The following NUGGC variants were observed in gnomAD, a reference collection of about 807,000 sequenced individuals.
The protein encoded by NUGGC is nuclear GTPase, germinal center associated, also known as nuclear GTPase SLIP-GC.
Under a neutral mutation model 92.6 loss-of-function variants are expected in NUGGC, and 58 were observed. The observed-to-expected ratio is 0.63, with a 90% CI of 0.51 to 0.78. The LOEUF (loss-of-function observed/expected upper bound fraction) is 0.78. Ranked by LOEUF, NUGGC falls within the 30% of genes least tolerant of loss-of-function variation. The probability of loss-of-function intolerance (pLI) is 0.00; values close to 1 mark genes in which losing one functional copy is unlikely to be tolerated. For synonymous variants in NUGGC, 376 were observed against 366.4 expected (o/e 1.03, Z -0.30); for missense variants, 925 against 964.6 (o/e 0.96, Z 0.54).
intron 10 of NUGGC, among the ~76,000 whole-genome samples, chr8:28,051,068 C>T (rs543494226): frequency 8.5e-5 from 13 of 152,236 alleles, no homozygotes; most frequent in Non-Finnish European, 1.6e-4. Flanking sequence ...ATACGATCCT[C>T]CCACCTCGGC....
At chr8:28,058,041 A>T (rs900738448) in intron 9 of NUGGC, among the ~76,000 whole-genome samples, 1 of 151,968 alleles carries the variant, frequency 6.6e-6, no homozygotes, top group Non-Finnish European at 1.5e-5. Flanking sequence ...AAAATACAAA[A>T]ATTAGCCAGG....
At chr8:28,068,518 T>C in intron 4 of NUGGC, 80 bp from the exon 5 acceptor site, 1 of 970,858 alleles carries the variant, frequency 1.0e-6, no homozygotes, top group Non-Finnish European at 1.6e-6. Context: ...GCAAAGGAAC[T>C]GAATTCTAAT....
chr8:28,076,143 GT>G (rs1230680724), intron 1 of NUGGC, among the ~76,000 whole-genome samples: 1 of 152,156 alleles, frequency 6.6e-6, no homozygotes, highest in African/African-American at 2.4e-5. Context: ...ACCACTCGAG[GT>G]CAGAGGACTG....
chr8:28,079,785 A>G (rs1410470734), intron 1 of NUGGC, among the ~76,000 whole-genome samples: 2 of 152,338 alleles, frequency 1.3e-5, no homozygotes, highest in African/African-American at 2.4e-5. Context: ...GGGTTCCCTC[A>G]AATGCATGGC....
chr8:28,060,684 G>T (rs538289847), intron 7 of NUGGC, 83 bp from the exon 8 acceptor site: 1 of 1,291,476 alleles, frequency 7.7e-7, no homozygotes, highest in Non-Finnish European at 1.1e-6. Context: ...TATCCCTTAA[G>T]CCTCTCCCTC....
At chr8:28,051,682 T>G (rs1467178956) in intron 10 of NUGGC, among the ~76,000 whole-genome samples, 1 of 152,134 alleles carries the variant, frequency 6.6e-6, no homozygotes, top group Non-Finnish European at 1.5e-5. Flanking sequence ...TCCCAGCACT[T>G]TGAGAGGCTG....
chr8:28,044,628 T>C (rs1809781161), intron 12 of NUGGC, among the ~76,000 whole-genome samples: 1 of 152,214 alleles, frequency 6.6e-6, no homozygotes, highest in Admixed American at 6.5e-5. Context: ...GGCCATCTGG[T>C]GCTGATTGTT....
At chr8:28,058,695 TA>T (rs1004148005) in intron 8 of NUGGC, among the ~76,000 whole-genome samples, 10 of 151,628 alleles carry the variant, frequency 6.6e-5, no homozygotes, top group African/African-American at 2.4e-4. Context: ...AAATTAGATT[TA>T]ATTATGTTAA....
At chr8:28,071,465 C>T (rs146914064) in intron 2 of NUGGC, among the ~76,000 whole-genome samples, 2 of 152,218 alleles carry the variant, frequency 1.3e-5, no homozygotes, top group African/African-American at 4.8e-5. Context: ...GGATGGATGC[C>T]CTTCAGAGAT....
intron 2 of NUGGC, among the ~76,000 whole-genome samples, chr8:28,072,078 G>A (rs776710462): frequency 1.3e-5 from 2 of 152,146 alleles, no homozygotes; most frequent in South Asian, 2.1e-4. Context: ...GGAAGCCAAC[G>A]CACACCCCGT....
chr8:28,060,118 T>C (rs1370119878), intron 8 of NUGGC, among the ~76,000 whole-genome samples: 1 of 151,892 alleles, frequency 6.6e-6, no homozygotes, highest in East Asian at 1.9e-4. Context: ...GCAGGTGGGA[T>C]CATCACATCA....
intron 18 of NUGGC, among the ~76,000 whole-genome samples, chr8:28,025,758 C>G (rs1809243359): frequency 6.6e-6 from 1 of 152,180 alleles, no homozygotes; most frequent in Admixed American, 6.5e-5. Context: ...ACTTTGGGAA[C>G]AGCTCTGTCT....
At position 28,022,570 on chromosome 8, in the gene NUGGC, A is replaced by G. The variant is rs1360123032; in HGVS notation, c.*747T>C. On this transcript the variant is annotated 3_prime_UTR_variant, in exon 19 of 19. Transcript: ENST00000413272. ...TAAAATAAAATGCAGTAAACATACT[A>G]GTTTTATATTGCATGCAAAGTCCAA... The G allele has an allele frequency of 6.6e-6, 1 of 152,216 alleles. No homozygotes were observed. The highest frequency in any genetic ancestry group is 2.4e-5 in the African/African-American group (1 of 41,460). The allele number at this position is 152,216 out of a possible 1,614,324, so 9.4% of individuals were successfully genotyped here.
chr8:28,032,052 T>C (rs1809429404), intron 14 of NUGGC, among the ~76,000 whole-genome samples: 1 of 152,204 alleles, frequency 6.6e-6, no homozygotes, highest in African/African-American at 2.4e-5. Context: ...CCAGGACAGG[T>C]AGCTGCTCTC....
At chr8:28,030,540 C>T in intron 15 of NUGGC, 122 bp from the exon 16 acceptor site, 2 of 660,424 alleles carry the variant, frequency 3.0e-6, no homozygotes, top group Non-Finnish European at 5.6e-6. Flanking sequence ...AGTTGTTTGT[C>T]TGTCATCTCC....
At position 28,029,366 on chromosome 8, in the gene NUGGC, C is replaced by T. The variant is rs756785058; in HGVS notation, c.2054G>A (p.Arg685Gln). ...AQITGKKACE[R>Q]MKDAIRRGVD... ...TCCTCTTCTGATGGCATCTTTCATCCGCTCACACGCTTTTTTGCCCGTGAT... is the reference window on the plus strand; with the variant it reads ...TCCTCTTCTGATGGCATCTTTCATCTGCTCACACGCTTTTTTGCCCGTGAT... Residue 685 changes from arginine to glutamine, a missense_variant, in exon 17 of 19, where the codon CGG becomes CAG. Physicochemically the swap from Arg to Gln is conservative, Grantham distance 43 (BLOSUM62 1). Coordinates refer to ENST00000413272, the MANE Select transcript of NUGGC (RefSeq NM_001010906.2). The T allele has an allele frequency of 4.2e-5, 67 of 1,612,288 alleles. No individual in the cohort carries two copies. Among genetic ancestry groups the T allele is most frequent in the Non-Finnish European group, 5.1e-5 (60 of 1,179,256 alleles).
chr8:28,041,350 C>T, intron 12 of NUGGC, 135 bp from the exon 13 acceptor site: 1 of 830,064 alleles, frequency 1.2e-6, no homozygotes, highest in Non-Finnish European at 1.9e-6. Flanking sequence ...CTTTATTGTC[C>T]CCATAAGACC....
chr8:28,029,362 C>T lies in NUGGC; in HGVS notation c.2058G>A (p.Met686Ile). The change falls in exon 17 of 19, where the codon ATG (methionine) becomes ATA (isoleucine). Residue 686 changes from methionine (M) to isoleucine (I), a missense_variant. By Grantham distance (10) the Met-to-Ile change is conservative. Transcript: ENST00000413272. ...QITGKKACER[M>I]KDAIRRGVDR... is the part of the protein sequence containing the mutation. ...CCACTCCTCTTCTGATGGCATCTTT[C>T]ATCCGCTCACACGCTTTTTTGCCCG... 2 of 1,612,444 alleles carry T rather than the reference C, an allele frequency of 1.2e-6. No homozygotes were observed. The highest frequency in any genetic ancestry group is 1.7e-6 in the Non-Finnish European group (2 of 1,179,242).
intron 3 of NUGGC, 189 bp from the exon 4 acceptor site, chr8:28,069,841 T>C: frequency 1.7e-6 from 1 of 584,440 alleles, no homozygotes; most frequent in Non-Finnish European, 3.0e-6. Flanking sequence ...TCATTGGTTC[T>C]GAAAATCTCC....
Sources: allele counts gnomAD v4.1 joint callset (sites outside exome capture counted in the v4.1 genomes callset), GRCh38; gene constraint gnomAD v4.1.1; transcripts MANE v1.5; gene names NCBI Gene and HGNC (gene_info 2026-07-23, HGNC 2026-07-21).